NPC2: variants seen among roughly 807,000 people sequenced by gnomAD.
NPC2 encodes the protein Niemann-Pick disease type C2 protein.
NPC2 carries 14 observed loss-of-function variants against 17.0 expected under a neutral mutation model. The ratio of observed to expected loss-of-function variants is 0.82; its 90% CI spans 0.54 to 1.29. The LOEUF is 1.29. Among genes scored for constraint, NPC2 ranks in the 50% most tolerant of loss-of-function variants. NPC2 has a pLI of 0.00. For missense variants in NPC2, 167 were observed against 183.4 expected, an observed-to-expected ratio of 0.91 and a Z score of 0.52; for synonymous variants, 75 against 69.3, an observed-to-expected ratio of 1.08 and a Z score of -0.41.
intron 1 of NPC2, among the ~76,000 whole-genome samples, chr14:74,487,263 G>GTTTT (rs1208707592): frequency 0.1 from 13,617 of 131,914 alleles, 992 homozygotes; most frequent in South Asian, 0.14. Context: ...TTGTTTTTGT[G>GTTTT]GTTTTTTTTT....
Position 74,493,305 on chromosome 14 carries a change from G to A in NPC2, c.-31C>T, listed in dbSNP as rs776660038. The A allele has an allele frequency of 1.9e-6, 3 of 1,606,058 alleles. No homozygotes were observed. The highest frequency in any genetic ancestry group is 1.7e-5 in the Admixed American group (1 of 58,532). The stretch of plus-strand genomic sequence containing the variant: ...ATAACGAAGTTCCAAGCTCGGGAAA[G>A]AAGCAGCGGCCGCCCGCGGTCACAA... On this transcript the variant is annotated 5_prime_UTR_variant, in exon 1 of 5. Coordinates refer to ENST00000555619, the MANE Select transcript of NPC2 (RefSeq NM_006432.5). The surrounding 1 kb of genome is among the most constrained non-coding windows in gnomAD (Gnocchi z 4.1).
intron 2 of NPC2, 54 bp from the exon 3 acceptor site, chr14:74,484,641 C>T: frequency 6.4e-7 from 1 of 1,555,664 alleles, no homozygotes; most frequent in South Asian, 1.1e-5. Flanking sequence ...TTTTCAAACT[C>T]TAAATCAAAA....
rs561161937 is a variant in NPC2, at chr14:74,480,183, C to T, written c.*91G>A. 6.2e-7 allele frequency: 1 copy of T among 1,613,204 alleles called. No individual in the cohort carries two copies. Among genetic ancestry groups the T allele is most frequent in the African/African-American group, 1.3e-5 (1 of 75,016 alleles). Reference sequence around the variant, plus strand: ...CGAATCACTGGATACCATTGGAGAGCAAGTCACTGTTGTTGAAGCAGCAGA... The same window carrying T: ...CGAATCACTGGATACCATTGGAGAGTAAGTCACTGTTGTTGAAGCAGCAGA... On this transcript the variant is annotated 3_prime_UTR_variant, in exon 5 of 5. Transcript: ENST00000555619.
intron 1 of NPC2, among the ~76,000 whole-genome samples, chr14:74,492,519 T>C (rs146845204): frequency 6.6e-6 from 1 of 152,346 alleles, no homozygotes; most frequent in East Asian, 1.9e-4. Flanking sequence ...CTGAACAACA[T>C]TGCTCGAGTT....
rs1226111588 is a variant in NPC2, at chr14:74,486,500, A to G, written c.83-64T>C. 3.0e-6 allele frequency: 4 copies of G among 1,328,422 alleles called. No homozygotes were observed. The South Asian group carries it at 5.0e-5, about 17-fold the overall frequency. The allele number at this position is 1,328,422 out of a possible 1,614,324, so 82.3% of individuals were successfully genotyped here. ...GAGAAATAAGCCAGCTAGGCTGCCC[A>G]CCACCTAATGGGAAGGTGCTCTGCT... is the stretch of plus-strand genomic sequence containing the variant. On this transcript the variant is annotated intron_variant, in intron 1 of 4. Coordinates refer to ENST00000555619, the MANE Select transcript of NPC2 (RefSeq NM_006432.5).
chr14:74,487,494 TAG>T, intron 1 of NPC2, among the ~76,000 whole-genome samples: 1 of 152,098 alleles, frequency 6.6e-6, no homozygotes, highest in Non-Finnish European at 1.5e-5. Flanking sequence ...CTCAAACTCC[TAG>T]GCTCAAGCAA....
At chr14:74,490,480 T>C (rs1057137588) in intron 1 of NPC2, among the ~76,000 whole-genome samples, 3 of 152,338 alleles carry the variant, frequency 2.0e-5, no homozygotes, top group Middle Eastern at 3.4e-3. Context: ...AATCCCGAAC[T>C]TCAATCAACA....
At chr14:74,490,947 C>A (rs574618937) in intron 1 of NPC2, among the ~76,000 whole-genome samples, 16 of 152,208 alleles carry the variant, frequency 1.1e-4, no homozygotes, top group African/African-American at 3.9e-4. Context: ...TTTTGGAAAC[C>A]CAAAGTGGCT....
intron 3 of NPC2, chr14:74,483,305 T>C: frequency 8.0e-7 from 1 of 1,243,122 alleles, no homozygotes; most frequent in Non-Finnish European, 1.2e-6. Context: ...TGGCAATAAA[T>C]GTGACCTGGA....
At chr14:74,491,914 T>C (rs527684385) in intron 1 of NPC2, among the ~76,000 whole-genome samples, 4 of 152,274 alleles carry the variant, frequency 2.6e-5, no homozygotes, top group Non-Finnish European at 5.9e-5. Flanking sequence ...ACTAACAAAT[T>C]AGCTACGAGT....
chr14:74,492,200 G>A (rs1222697685), intron 1 of NPC2, among the ~76,000 whole-genome samples: 1 of 152,126 alleles, frequency 6.6e-6, no homozygotes, highest in Non-Finnish European at 1.5e-5. Flanking sequence ...AATGCTCGGG[G>A]AGACTGATCT....
At chr14:74,493,408 C>G, upstream of NPC2, 1 of 1,535,178 alleles carries the variant, frequency 6.5e-7, no homozygotes, top group Non-Finnish European at 8.8e-7. This position sits in a 1 kb window ranked among gnomAD's most constrained non-coding sequence, Gnocchi z 4.1. Context: ...GAGGCCCGCC[C>G]GCGCCCCGCC....
At chr14:74,488,601 C>T (rs1368473767) in intron 1 of NPC2, among the ~76,000 whole-genome samples, 1 of 152,160 alleles carries the variant, frequency 6.6e-6, no homozygotes, top group Non-Finnish European at 1.5e-5. Flanking sequence ...GTAATCCCAG[C>T]TACTCAGGAG....
chr14:74,484,765 A>AG (rs2086691781), intron 2 of NPC2, among the ~76,000 whole-genome samples, 178 bp from the exon 3 acceptor site: 1 of 150,582 alleles, frequency 6.6e-6, no homozygotes, highest in Admixed American at 6.6e-5. Flanking sequence ...CAAAAAAAAA[A>AG]AAAAAAAAAA....
chr14:74,493,101 T>G lies in NPC2; in HGVS notation c.82+92A>C, dbSNP rs1186999841. 14 of 1,483,816 alleles carry G rather than the reference T, an allele frequency of 9.4e-6. No homozygotes were observed. Among genetic ancestry groups the G allele is most frequent in the Non-Finnish European group, 1.8e-6 (2 of 1,093,986 alleles). The allele number at this position is 1,483,816 out of a possible 1,614,324, so 91.9% of individuals were successfully genotyped here. On this transcript the variant is annotated intron_variant, in intron 1 of 4. Coordinates refer to ENST00000555619, the MANE Select transcript of NPC2 (RefSeq NM_006432.5). This position sits in a 1 kb window ranked among gnomAD's most constrained non-coding sequence, Gnocchi z 4.1. ...AGGCTCAGCCTGGCCGCCCGAGGGATCCGCCCAGCCCAGCCCCAGGGGTCT... is the reference window on the plus strand; with the variant it reads ...AGGCTCAGCCTGGCCGCCCGAGGGAGCCGCCCAGCCCAGCCCCAGGGGTCT...
Position 74,480,686 on chromosome 14 carries a change from C to A in NPC2, c.441+16G>T, listed in dbSNP as rs2086647223. The A allele has an allele frequency of 3.1e-6, 5 of 1,606,826 alleles. No homozygotes were observed. The highest frequency in any genetic ancestry group is 4.3e-6 in the Non-Finnish European group (5 of 1,173,398). Reference sequence around the variant, plus strand: ...CTTCCCTCCACCCATGCCCTCTCACCCCCAGATAGACTTACGATCTGTACT... The same window carrying A: ...CTTCCCTCCACCCATGCCCTCTCACACCCAGATAGACTTACGATCTGTACT... On this transcript the variant is annotated intron_variant, in intron 4 of 4. Coordinates refer to ENST00000555619, the MANE Select transcript of NPC2 (RefSeq NM_006432.5).
intron 1 of NPC2, among the ~76,000 whole-genome samples, chr14:74,487,000 G>A (rs1031192016): frequency 7.1e-5 from 10 of 140,740 alleles, no homozygotes; most frequent in Non-Finnish European, 6.1e-5. Flanking sequence ...TCACCAGGTT[G>A]GAGTGCAGTG....
intron 1 of NPC2, among the ~76,000 whole-genome samples, chr14:74,492,228 C>T (rs1428030591): frequency 2.6e-5 from 4 of 152,160 alleles, no homozygotes; most frequent in African/African-American, 9.7e-5. Context: ...AATAAAACTC[C>T]GGCCTCCCCC....
chr14:74,483,235 G>A, intron 3 of NPC2: 1 of 933,208 alleles, frequency 1.1e-6, no homozygotes, highest in East Asian at 2.4e-5. Flanking sequence ...TTGACTTACA[G>A]GACCTGAGGG....
Sources: gnomAD v4.1 joint callset for allele counts (sites outside exome capture counted in the v4.1 genomes callset) on GRCh38, gnomAD v4.1.1 for gene constraint, Gnocchi (gnomAD v3.1) non-coding constraint, MANE v1.5 for transcripts, NCBI Gene and HGNC (gene_info 2026-07-23, HGNC 2026-07-21) for gene names.